Variants in PDE4D observed in about 807,000 individuals in gnomAD.
PDE4D encodes the protein phosphodiesterase 4D.
Under a neutral mutation model 87.4 loss-of-function variants are expected in PDE4D, and 24 were observed. The ratio of observed to expected loss-of-function variants is 0.27; its 90% confidence interval spans 0.20 to 0.39. PDE4D has a LOEUF of 0.39. Among genes scored for constraint, PDE4D ranks in the 10% least tolerant of loss-of-function variants. The probability of loss-of-function intolerance (pLI) is 1.00; values close to 1 mark genes in which losing one functional copy is unlikely to be tolerated. For synonymous variants in PDE4D, 384 were observed against 383.2 expected (o/e 1.00, Z -0.02); for missense variants, 714 against 1,041.0 (o/e 0.69, Z 4.32).
At chr5:60,084,729 G>A (rs539153842) in intron 2 of PDE4D, among the ~76,000 whole-genome samples, 1 of 152,244 alleles carries the variant, frequency 6.6e-6, no homozygotes, top group Admixed American at 6.5e-5. Flanking sequence ...CCCCTACATA[G>A]TGACCCGCCT....
At chr5:59,638,452 T>C (rs1030383301) in intron 1 of PDE4D, among the ~76,000 whole-genome samples, 4 of 152,110 alleles carry the variant, frequency 2.6e-5, no homozygotes, top group Admixed American at 1.3e-4. Context: ...CATCAGATAC[T>C]GTAATACCAC....
intron 1 of PDE4D, among the ~76,000 whole-genome samples, chr5:60,258,160 C>T (rs1256713101): frequency 6.6e-6 from 1 of 152,006 alleles, no homozygotes; most frequent in Non-Finnish European, 1.5e-5. Context: ...CAAGCTACTC[C>T]AGCTGCCTGC....
chr5:59,802,396 C>CTTTTTTTTTTTTTTTTTTTTTTTTTTTT (rs60356253), intron 1 of PDE4D, among the ~76,000 whole-genome samples: 1 of 110,362 alleles, frequency 9.1e-6, no homozygotes, highest in Non-Finnish European at 1.8e-5. Flanking sequence ...CTTCCATATT[C>CTTTTTTTTTTTTTTTTTTTTTTTTTTTT]TTTTTTTTTT....
Position 60,389,660 on chromosome 5 carries a change from A to G in PDE4D, c.-90+98282T>C, listed in dbSNP as rs566025182. Among the ~76,000 whole-genome samples the G allele has an allele frequency of 4.3e-4, 65 of 152,316 alleles. 1 individual carries two copies. Among genetic ancestry groups the G allele is most frequent in the Non-Finnish European group, 1.2e-4 (8 of 68,026 alleles). On this transcript the variant is annotated intron_variant, in intron 1 of 16. Transcript: ENST00000502484. ...TTGACAGGCTGAAGGATCTGCTTCAAAGATGACTCTCACACATGGCTGACT... is the reference window on the plus strand; with the variant it reads ...TTGACAGGCTGAAGGATCTGCTTCAGAGATGACTCTCACACATGGCTGACT...
Position 59,849,413 on chromosome 5 carries a change from T to C in PDE4D, c.455+43755A>G, listed in dbSNP as rs541805704. Among the ~76,000 whole-genome samples, 8 of 152,118 alleles carry C rather than the reference T, an allele frequency of 5.3e-5. 1 individual carries two copies. The South Asian group carries it at 1.0e-3, about 20-fold the overall frequency. On this transcript the variant is annotated intron_variant, in intron 1 of 14. Transcript: ENST00000340635. ...AAGTTTTAATATTTCCAGTAAAACA[T>C]AAATAACTTGTAAAGAAAAGGAGAT...
chr5:59,345,810 G>A (rs1246023883), intron 1 of PDE4D, among the ~76,000 whole-genome samples: 1 of 152,142 alleles, frequency 6.6e-6, no homozygotes, highest in Non-Finnish European at 1.5e-5. Flanking sequence ...TAAAGACAAA[G>A]GCATAACCTA....
chr5:59,935,858 G>A (rs1756508020), intron 3 of PDE4D, among the ~76,000 whole-genome samples: 1 of 152,104 alleles, frequency 6.6e-6, no homozygotes, highest in Non-Finnish European at 1.5e-5. Context: ...GTCTATCATT[G>A]GTGGACATTT....
chr5:59,678,845 C>T (rs1020643697), intron 1 of PDE4D, among the ~76,000 whole-genome samples: 2 of 152,166 alleles, frequency 1.3e-5, no homozygotes, highest in Non-Finnish European at 2.9e-5. Context: ...TTGCCTACTT[C>T]TTGTTACTTG....
At chr5:59,447,687 A>G (rs1033223883) in intron 1 of PDE4D, among the ~76,000 whole-genome samples, 2 of 152,244 alleles carry the variant, frequency 1.3e-5, no homozygotes, top group African/African-American at 4.8e-5. Flanking sequence ...TTTGTAATTA[A>G]TTTGAAAGAA....
chr5:60,342,234 C>T (rs1450560337), intron 1 of PDE4D, among the ~76,000 whole-genome samples: 1 of 152,156 alleles, frequency 6.6e-6, no homozygotes, highest in Non-Finnish European at 1.5e-5. Flanking sequence ...GAGACTGAAC[C>T]AGATGCTCTT....
rs1763121748 is a variant in PDE4D at position 59,768,693 on chromosome 5, G to A, written c.455+124475C>T. 5 of 1,420,772 alleles carry A rather than the reference G, an allele frequency of 3.5e-6. No homozygotes were observed. The African/African-American group carries it at 7.1e-5, about 20-fold the overall frequency. The allele number at this position is 1,420,772 out of a possible 1,614,324, so 88.0% of individuals were successfully genotyped here. ...GAGGAGGCGAGCGCACTCCTCCGCG[G>A]AAGCGTATTAAACGTCACCCCTCCT... is the stretch of plus-strand genomic sequence containing the variant. On this transcript the variant is annotated intron_variant, in intron 1 of 14. Transcript: ENST00000340635.
At chr5:59,980,237 G>T (rs1761775888) in intron 3 of PDE4D, among the ~76,000 whole-genome samples, 1 of 152,196 alleles carries the variant, frequency 6.6e-6, no homozygotes, top group Non-Finnish European at 1.5e-5. Flanking sequence ...AGGATGGTCA[G>T]CCAGGGCAGT....
At chr5:59,214,468 T>C (rs925284332) in intron 2 of PDE4D, among the ~76,000 whole-genome samples, 2 of 152,100 alleles carry the variant, frequency 1.3e-5, no homozygotes, top group Admixed American at 6.6e-5. Flanking sequence ...TTCCCTTGGG[T>C]GGAAAACTCT....
intron 1 of PDE4D, among the ~76,000 whole-genome samples, chr5:59,366,562 G>A (rs1012758664): frequency 5.9e-5 from 9 of 152,076 alleles, no homozygotes; most frequent in African/African-American, 2.2e-4. Context: ...AAGCACTTGG[G>A]AATGAGATAA....
At chr5:59,558,941 G>A (rs1445496082) in intron 1 of PDE4D, 4 of 152,168 alleles carry the variant, frequency 2.6e-5, no homozygotes, top group Non-Finnish European at 5.9e-5. Context: ...GTGTGTATGA[G>A]GTTGGGGGTA....
chr5:59,378,564 T>C (rs1245236557), intron 1 of PDE4D, among the ~76,000 whole-genome samples: 2 of 152,176 alleles, frequency 1.3e-5, no homozygotes, highest in African/African-American at 2.4e-5. Context: ...AAGAAAAAAT[T>C]ATTCCTTATA....
intron 1 of PDE4D, among the ~76,000 whole-genome samples, chr5:59,707,232 CA>C (rs1753552506): frequency 1.3e-5 from 2 of 152,184 alleles, no homozygotes; most frequent in South Asian, 2.1e-4. Flanking sequence ...TCAGAGATAG[CA>C]AATGGAAAAA....
At chr5:59,589,349 T>C (rs1312056840) in intron 1 of PDE4D, among the ~76,000 whole-genome samples, 2 of 152,214 alleles carry the variant, frequency 1.3e-5, no homozygotes, top group Non-Finnish European at 2.9e-5. Flanking sequence ...ATTATGCCCA[T>C]TTTGGAGATG....
At chr5:59,738,119 G>T (rs948902567) in intron 1 of PDE4D, among the ~76,000 whole-genome samples, 3 of 152,084 alleles carry the variant, frequency 2.0e-5, no homozygotes, top group African/African-American at 7.2e-5. Flanking sequence ...GCATAAACAT[G>T]AATAGATTGT....
Sources: allele counts gnomAD v4.1 joint callset (sites outside exome capture counted in the v4.1 genomes callset), GRCh38; gene constraint gnomAD v4.1.1; transcripts MANE v1.5; gene names NCBI Gene and HGNC (gene_info 2026-07-23, HGNC 2026-07-21).